Variants in ARPP21 observed in about 807,000 individuals in gnomAD.
ARPP21 encodes the protein cAMP regulated phosphoprotein 21, also known as cAMP-regulated phosphoprotein 21.
In ARPP21, 69 loss-of-function variants were observed where a neutral mutation model predicts 113.2. The ratio of observed to expected loss-of-function variants is 0.61; its 90% CI spans 0.50 to 0.74. ARPP21 has a LOEUF of 0.74. Ranked by LOEUF, ARPP21 falls within the 30% of genes least tolerant of loss-of-function variation. The pLI is 0.00. For missense variants in ARPP21, 1,070 were observed against 1,037.4 expected (o/e 1.03, Z -0.43); for synonymous variants, 368 against 375.5 (o/e 0.98, Z 0.23).
At chr3:35,759,614 A>C (rs1381143932) in intron 19 of ARPP21, among the ~76,000 whole-genome samples, 1 of 150,982 alleles carries the variant, frequency 6.6e-6, no homozygotes, top group Non-Finnish European at 1.5e-5. Context: ...CAAAAGAATT[A>C]GTATCTGCCA....
At chr3:35,787,567 C>G (rs2096659324) in intron 19 of ARPP21, among the ~76,000 whole-genome samples, 1 of 152,160 alleles carries the variant, frequency 6.6e-6, no homozygotes, top group South Asian at 2.1e-4. Context: ...CTCTAAGTAA[C>G]ATGTCTTCAA....
In ARPP21 at chr3:35,794,202, A is replaced by AT; in HGVS notation, c.*248dup. On this transcript the variant is annotated 3_prime_UTR_variant, in exon 21 of 21. Transcript: ENST00000684406. ...AGTGACATGAATTCATCAAGGTAAG[A>AT]TTTTCTCCTACCACTGAATACCACT... The AT allele has an allele frequency of 1.8e-6, 1 of 548,596 alleles. No individual in the cohort carries two copies. 34.0% of individuals were successfully genotyped at this position (548,596 alleles called of 1,614,324 possible). A position where few individuals can be genotyped will look rare whatever the true frequency, so the allele number is the denominator to read the frequency against.
intron 19 of ARPP21, among the ~76,000 whole-genome samples, chr3:35,776,924 TAC>T (rs2096388278): frequency 6.6e-6 from 1 of 152,106 alleles, no homozygotes; most frequent in South Asian, 2.1e-4. Flanking sequence ...GAGTTTTGCC[TAC>T]CATCATTTTC....
intron 19 of ARPP21, among the ~76,000 whole-genome samples, chr3:35,761,784 T>C (rs2095788208): frequency 6.6e-6 from 1 of 152,108 alleles, no homozygotes; most frequent in African/African-American, 2.4e-5. Flanking sequence ...AAAGAGCTTA[T>C]GTCATAAGTT....
At chr3:35,715,345 ATG>A in intron 11 of ARPP21, 92 bp from the exon 12 acceptor site, 1 of 957,964 alleles carries the variant, frequency 1.0e-6, no homozygotes, top group Non-Finnish European at 1.7e-6. Context: ...CTTTTCCCCT[ATG>A]AGGGGAAAGT....
intron 5 of ARPP21, among the ~76,000 whole-genome samples, chr3:35,686,147 A>C (rs1191202194): frequency 6.6e-6 from 1 of 151,650 alleles, no homozygotes; most frequent in Non-Finnish European, 1.5e-5. Flanking sequence ...GGGAGCCCTC[A>C]GTTTCCCTTG....
chr3:35,660,753 C>T (rs564816345), intron 1 of ARPP21, among the ~76,000 whole-genome samples: 1 of 152,170 alleles, frequency 6.6e-6, no homozygotes, highest in African/African-American at 2.4e-5. Flanking sequence ...TGAGTAAATG[C>T]TTCTATTCTT....
intron 14 of ARPP21, among the ~76,000 whole-genome samples, chr3:35,722,871 A>G (rs1401814952): frequency 6.6e-6 from 1 of 152,230 alleles, no homozygotes; most frequent in Non-Finnish European, 1.5e-5. Context: ...TCAAATGTTC[A>G]CAATTAAAAT....
intron 19 of ARPP21, among the ~76,000 whole-genome samples, chr3:35,757,144 C>T (rs2095601531): frequency 1.3e-5 from 2 of 150,164 alleles, no homozygotes; most frequent in Non-Finnish European, 3.0e-5. Flanking sequence ...GAACTGCAGC[C>T]TTGAACTGCC....
At chr3:35,640,783 A>G (rs1351570987) in intron 1 of ARPP21, among the ~76,000 whole-genome samples, 4 of 152,224 alleles carry the variant, frequency 2.6e-5, no homozygotes, top group African/African-American at 9.6e-5. Context: ...CCTAGGTCCC[A>G]AAGGGCTCAA....
intron 14 of ARPP21, among the ~76,000 whole-genome samples, chr3:35,726,580 G>A (rs1054020440): frequency 6.6e-6 from 1 of 152,176 alleles, no homozygotes; most frequent in African/African-American, 2.4e-5. Flanking sequence ...TCCTATTGAT[G>A]CTGCTTTTTT....
chr3:35,706,939 A>T, intron 9 of ARPP21, 35 bp from the exon 10 acceptor site: 1 of 1,541,350 alleles, frequency 6.5e-7, no homozygotes, highest in Non-Finnish European at 8.9e-7. Context: ...AAGGGGGAAA[A>T]ACTTTTTTAT....
At chr3:35,757,089 G>A (rs966922250) in intron 19 of ARPP21, among the ~76,000 whole-genome samples, 3 of 117,566 alleles carry the variant, frequency 2.6e-5, no homozygotes, top group Non-Finnish European at 5.7e-5. Context: ...TTTTTTTTGA[G>A]ACAGGGTCTT....
At chr3:35,640,704 C>T (rs1222862562) in intron 1 of ARPP21, among the ~76,000 whole-genome samples, 70 of 152,114 alleles carry the variant, frequency 4.6e-4, no homozygotes, top group Non-Finnish European at 1.0e-4. Context: ...TTGCAATGCT[C>T]TTTTTGAAAG....
At chr3:35,702,285 A>G (rs1290236252) in intron 9 of ARPP21, among the ~76,000 whole-genome samples, 1 of 151,766 alleles carries the variant, frequency 6.6e-6, no homozygotes, top group East Asian at 1.9e-4. Flanking sequence ...CCTACATTAC[A>G]TACCTTAAAT....
At chr3:35,718,826 G>A (rs1559732337) in intron 13 of ARPP21, among the ~76,000 whole-genome samples, 1 of 151,428 alleles carries the variant, frequency 6.6e-6, no homozygotes, top group South Asian at 2.1e-4. Context: ...ACTTACAAGA[G>A]GGCCCAGCTC....
intron 1 of ARPP21, among the ~76,000 whole-genome samples, chr3:35,666,317 G>C (rs555059078): frequency 1.4e-4 from 22 of 152,208 alleles, no homozygotes; most frequent in Non-Finnish European, 2.9e-4. Context: ...ATTCCAATCA[G>C]TGGCTCCACA....
Position 35,707,060 on chromosome 3 carries a change from G to C in ARPP21, c.773G>C (p.Ser258Thr), listed in dbSNP as rs1419463714. Residue 258 changes from serine to threonine, a missense_variant, in exon 10 of 21, where the codon AGT becomes ACT. Coordinates refer to ENST00000684406, the MANE Select transcript of ARPP21 (RefSeq NM_001385562.1). ...KRFILKRDNS[S>T]IDKEDNQQNR... ...TTTATCTTGAAGCGAGATAACTCTA[G>C]TATTGATAAAGAAGACAATCAGGTT... 5 of 1,613,642 alleles carry C rather than the reference G, an allele frequency of 3.1e-6. No individual in the cohort carries two copies. Among genetic ancestry groups the C allele is most frequent in the Non-Finnish European group, 4.2e-6 (5 of 1,179,758 alleles).
chr3:35,716,657 C>T lies in ARPP21; in HGVS notation c.936-641C>T, dbSNP rs558954005. On this transcript the variant is annotated intron_variant, in intron 12 of 20. Transcript: ENST00000684406. The stretch of plus-strand genomic sequence containing the variant: ...GGATTCCAAAAATACTCTATCTTTG[C>T]CAGAAAGATTAAGTGAGCATTCACA... Among the ~76,000 whole-genome samples, 378 of 152,056 alleles carry T rather than the reference C, an allele frequency of 2.5e-3. 2 individuals are homozygous for T. The highest frequency in any genetic ancestry group is 6.4e-3 in the Admixed American group (98 of 15,260).
Sources: gnomAD v4.1 joint callset for allele counts (sites outside exome capture counted in the v4.1 genomes callset) on GRCh38, gnomAD v4.1.1 for gene constraint, MANE v1.5 for transcripts, NCBI Gene and HGNC (gene_info 2026-07-23, HGNC 2026-07-21) for gene names.